Variants in NUBPL observed in about 807,000 individuals in gnomAD.
NUBPL encodes the protein iron-sulfur cluster transfer protein NUBPL.
A neutral mutation model predicts 45.7 loss-of-function variants in NUBPL; 31 were observed. The observed-to-expected ratio is 0.68, with a 90% CI of 0.51 to 0.92. The LOEUF (loss-of-function observed/expected upper bound fraction) is 0.92, where lower values mean the gene tolerates loss of function less well. Ranked by LOEUF, NUBPL falls within the 40% of genes least tolerant of loss-of-function variation. NUBPL has a pLI of 0.00. For synonymous variants in NUBPL, 144 were observed against 140.9 expected, an observed-to-expected ratio of 1.02 and a Z score of -0.15; for missense variants, 401 against 398.7, an observed-to-expected ratio of 1.01 and a Z score of -0.05.
At chr14:31,700,058 G>A (rs1056924062) in intron 6 of NUBPL, among the ~76,000 whole-genome samples, 3 of 152,100 alleles carry the variant, frequency 2.0e-5, no homozygotes, top group African/African-American at 7.2e-5. Flanking sequence ...ATACTGTGCA[G>A]TTATTATTTG....
chr14:31,769,297 G>C (rs2038966423), intron 6 of NUBPL, among the ~76,000 whole-genome samples: 1 of 152,166 alleles, frequency 6.6e-6, no homozygotes, highest in Admixed American at 6.5e-5. Flanking sequence ...AATTTTTAAA[G>C]AGTCACATTC....
chr14:31,602,508 A>G (rs2034469531), intron 4 of NUBPL, among the ~76,000 whole-genome samples: 1 of 152,072 alleles, frequency 6.6e-6, no homozygotes, highest in Non-Finnish European at 1.5e-5. Context: ...TTTTAATAAA[A>G]TAAATAAAAA....
intron 3 of NUBPL, among the ~76,000 whole-genome samples, chr14:31,593,054 A>G (rs190437814): frequency 2.6e-5 from 4 of 152,336 alleles, no homozygotes; most frequent in African/African-American, 9.6e-5. Flanking sequence ...AACCCAATAA[A>G]AAGAACAATA....
At chr14:31,848,247 T>C (rs1252535777) in intron 9 of NUBPL, among the ~76,000 whole-genome samples, 1 of 152,222 alleles carries the variant, frequency 6.6e-6, no homozygotes, top group Non-Finnish European at 1.5e-5. Flanking sequence ...GCACGTCCCC[T>C]CCTTTTAATG....
chr14:31,670,761 TA>T (rs2036552077), intron 4 of NUBPL, among the ~76,000 whole-genome samples: 1 of 152,208 alleles, frequency 6.6e-6, no homozygotes, highest in Admixed American at 6.5e-5. Flanking sequence ...TTGTCAGCTT[TA>T]TTGAAGATCA....
At chr14:31,750,992 G>A (rs560976314) in intron 6 of NUBPL, among the ~76,000 whole-genome samples, 2 of 152,272 alleles carry the variant, frequency 1.3e-5, no homozygotes, top group African/African-American at 2.4e-5. Context: ...GAGAGAGAGA[G>A]AGTGAAGAGG....
chr14:31,564,499 T>G (rs1415480539), intron 2 of NUBPL, among the ~76,000 whole-genome samples: 1 of 110,314 alleles, frequency 9.1e-6, no homozygotes, highest in Non-Finnish European at 1.7e-5. Flanking sequence ...GGCAAGACCC[T>G]GTCTGTAAAA....
At chr14:31,819,890 C>T (rs150989612) in intron 7 of NUBPL, among the ~76,000 whole-genome samples, 1,596 of 152,172 alleles carry the variant, frequency 0.01, 26 homozygotes, top group African/African-American at 0.037. Context: ...CCTGTTATCC[C>T]AGCACTTTAG....
At chr14:31,710,550 C>G (rs1325523547) in intron 6 of NUBPL, among the ~76,000 whole-genome samples, 2 of 152,144 alleles carry the variant, frequency 1.3e-5, no homozygotes, top group Non-Finnish European at 2.9e-5. Flanking sequence ...ACAAGGAGGA[C>G]AGAGAAAAAT....
chr14:31,854,043 A>G (rs1027046225), intron 10 of NUBPL, among the ~76,000 whole-genome samples: 2 of 152,232 alleles, frequency 1.3e-5, no homozygotes, highest in Non-Finnish European at 2.9e-5. Flanking sequence ...CCTGGTAAAG[A>G]CTTTCAAATA....
rs1378491481 is a variant in NUBPL at position 31,636,259 on chromosome 14, C to T, written c.382+36880C>T. Among the ~76,000 whole-genome samples the T allele has an allele frequency of 1.7e-4, 26 of 151,800 alleles. No individual in the cohort carries two copies. The East Asian group carries it at 1.9e-3, about 11-fold the overall frequency. On this transcript the variant is annotated intron_variant, in intron 4 of 10. Coordinates refer to ENST00000281081, the MANE Select transcript of NUBPL (RefSeq NM_025152.3). ...AGATAGCTCTTATTATTTTGAGATA[C>T]GTCCCATCAATACCTAATTTATTGA...
At position 31,599,299 on chromosome 14, in the gene NUBPL, T is replaced by C. The variant is rs749051189; in HGVS notation, c.302T>C (p.Ile101Thr). The C allele has an allele frequency of 1.2e-6, 2 of 1,610,096 alleles. No homozygotes were observed. The highest frequency in any genetic ancestry group is 1.3e-5 in the African/African-American group (1 of 74,976). The change falls in exon 4 of 11, where the codon ATT becomes ACT. Residue 101 changes from isoleucine to threonine, a missense_variant. Ile to Thr is a moderately conservative substitution (Grantham distance 89). Coordinates refer to ENST00000281081, the MANE Select transcript of NUBPL (RefSeq NM_025152.3). The part of the protein sequence containing the change: ...ALAANDSSKA[I>T]GLLDVDVYGP... ...TTTATTTTTTTACAGTCCAAGGCCA[T>C]TGGTTTGCTAGATGTGGATGTGTAT...
intron 4 of NUBPL, among the ~76,000 whole-genome samples, chr14:31,631,394 C>T (rs12890184): frequency 0.29 from 44,586 of 151,530 alleles, 7,439 homozygotes; most frequent in South Asian, 0.41. Flanking sequence ...TGTATAATCA[C>T]GTTTGTTTTT....
intron 7 of NUBPL, among the ~76,000 whole-genome samples, chr14:31,801,909 G>A (rs2039598043): frequency 6.6e-6 from 1 of 152,182 alleles, no homozygotes; most frequent in South Asian, 2.1e-4. Flanking sequence ...AAGCCACTGT[G>A]TATGACAGTA....
intron 6 of NUBPL, among the ~76,000 whole-genome samples, chr14:31,709,802 T>C (rs773711086): frequency 5.3e-5 from 8 of 152,150 alleles, no homozygotes; most frequent in Non-Finnish European, 1.2e-4. Context: ...CAGGGGTTTT[T>C]GTTGTCCTTT....
At chr14:31,591,981 A>G (rs1217297433) in intron 3 of NUBPL, among the ~76,000 whole-genome samples, 1 of 152,208 alleles carries the variant, frequency 6.6e-6, no homozygotes, top group Admixed American at 6.5e-5. Context: ...AAGTAAGTTA[A>G]ATAGTATGTT....
At chr14:31,654,048 A>G (rs1190796128) in intron 4 of NUBPL, 1 of 453,512 alleles carries the variant, frequency 2.2e-6, no homozygotes, top group Non-Finnish European at 4.4e-6. Context: ...CTAACACCAA[A>G]CTTCATACTT....
intron 4 of NUBPL, among the ~76,000 whole-genome samples, chr14:31,606,473 T>G (rs1335275951): frequency 1.3e-5 from 2 of 152,194 alleles, no homozygotes; most frequent in Non-Finnish European, 2.9e-5. Flanking sequence ...CACTCTGTTG[T>G]TTCCTTCCAG....
chr14:31,680,903 G>C (rs546300757), intron 6 of NUBPL, among the ~76,000 whole-genome samples: 14 of 152,032 alleles, frequency 9.2e-5, no homozygotes, highest in African/African-American at 3.4e-4. Flanking sequence ...TGTGGAACCC[G>C]TGGATATGGT....
Sources: gnomAD v4.1 joint callset for allele counts (sites outside exome capture counted in the v4.1 genomes callset) on GRCh38, gnomAD v4.1.1 for gene constraint, MANE v1.5 for transcripts, NCBI Gene and HGNC (gene_info 2026-07-23, HGNC 2026-07-21) for gene names.